Variants in ITPRID1 observed in about 807,000 individuals in gnomAD.
ITPRID1 encodes the protein ITPR interacting domain containing 1, also known as protein ITPRID1.
Under a neutral mutation model 95.4 loss-of-function variants are expected in ITPRID1, and 96 were observed. That is an observed-to-expected ratio of 1.01 (90% confidence interval 0.85 to 1.19). The LOEUF is 1.19. ITPRID1 is among the 50% of genes most tolerant of loss of function. The pLI is 0.00. For synonymous variants in ITPRID1, 510 were observed against 453.6 expected (o/e 1.12, Z -1.58); for missense variants, 1,339 against 1,252.9 (o/e 1.07, Z -1.04).
chr7:31,601,493 G>C (rs930172460), intron 10 of ITPRID1, among the ~76,000 whole-genome samples: 5 of 152,168 alleles, frequency 3.3e-5, no homozygotes, highest in African/African-American at 1.2e-4. Context: ...CCCTGGTCAA[G>C]TGCTCTGACT....
chr7:31,611,446 ATCTGAG>A (rs1786864559), intron 10 of ITPRID1, among the ~76,000 whole-genome samples: 1 of 151,756 alleles, frequency 6.6e-6, no homozygotes, highest in African/African-American at 2.4e-5. Context: ...CTTCATTTGA[ATCTGAG>A]TTGTTGTCTA....
At chr7:31,560,446 GGGA>G (rs1187610436) in intron 5 of ITPRID1, among the ~76,000 whole-genome samples, 1 of 152,140 alleles carries the variant, frequency 6.6e-6, no homozygotes, top group Non-Finnish European at 1.5e-5. Flanking sequence ...AGTTGGCTTT[GGGA>G]GGAGGAGGTT....
chr7:31,564,320 T>A (rs1784722580), intron 5 of ITPRID1, among the ~76,000 whole-genome samples: 1 of 152,092 alleles, frequency 6.6e-6, no homozygotes, highest in Non-Finnish European at 1.5e-5. Flanking sequence ...TGGAAGGAGA[T>A]GTATCAAATA....
At chr7:31,566,706 C>T (rs112079304) in intron 5 of ITPRID1, among the ~76,000 whole-genome samples, 69 of 152,272 alleles carry the variant, frequency 4.5e-4, no homozygotes, top group African/African-American at 1.4e-3. Flanking sequence ...AAAAATTACA[C>T]GGTGCTTGCA....
intron 5 of ITPRID1, among the ~76,000 whole-genome samples, chr7:31,556,220 T>C (rs1161556254): frequency 6.6e-6 from 1 of 151,926 alleles, no homozygotes; most frequent in African/African-American, 2.4e-5. Flanking sequence ...TGGAGGAAAA[T>C]TGGGATAGTG....
At chr7:31,521,795 C>G (rs909903650) in intron 1 of ITPRID1, among the ~76,000 whole-genome samples, 1 of 150,610 alleles carries the variant, frequency 6.6e-6, no homozygotes, top group Non-Finnish European at 1.5e-5. Flanking sequence ...GATCACAGCT[C>G]TCACTGCAGC....
chr7:31,543,539 C>T (rs750968649), intron 1 of ITPRID1, among the ~76,000 whole-genome samples: 21 of 151,776 alleles, frequency 1.4e-4, no homozygotes, highest in Non-Finnish European at 2.5e-4. Flanking sequence ...ATAAATTGAG[C>T]GTCTTCATAT....
chr7:31,546,760 T>C (rs936328894), intron 1 of ITPRID1, among the ~76,000 whole-genome samples: 1 of 152,074 alleles, frequency 6.6e-6, no homozygotes, highest in Non-Finnish European at 1.5e-5. Flanking sequence ...TAAACATAAG[T>C]GGAACACAGT....
intron 10 of ITPRID1, among the ~76,000 whole-genome samples, chr7:31,626,649 C>T (rs775520732): frequency 3.9e-4 from 60 of 152,256 alleles, no homozygotes; most frequent in Non-Finnish European, 1.6e-4. Flanking sequence ...TGACACCATG[C>T]TGTAAAGGAG....
chr7:31,639,071 C>T (rs1166944015), intron 10 of ITPRID1, among the ~76,000 whole-genome samples: 1 of 152,254 alleles, frequency 6.6e-6, no homozygotes, highest in African/African-American at 2.4e-5. Flanking sequence ...GCCACTGCGC[C>T]CAGCCAGTAA....
Position 31,655,971 on chromosome 7 carries a change from C to T in ITPRID1, c.*3142C>T. 1.0e-6 allele frequency: 1 copy of T among 985,438 alleles called. No individual in the cohort carries two copies. Among genetic ancestry groups the T allele is most frequent in the Non-Finnish European group, 1.2e-6 (1 of 829,924 alleles). The allele number at this position is 985,438 out of a possible 1,614,324, so 61.0% of individuals were successfully genotyped here. ...CCTCAGATGAATCTCCAATTCTATT[C>T]CCCTAAACCACCTCCTGTGTTCCTG... On this transcript the variant is annotated 3_prime_UTR_variant, in exon 15 of 15. Coordinates refer to ENST00000615280, the MANE Select transcript of ITPRID1 (RefSeq NM_001257967.3).
intron 10 of ITPRID1, among the ~76,000 whole-genome samples, chr7:31,616,055 A>C (rs1337487002): frequency 6.6e-6 from 1 of 152,068 alleles, no homozygotes; most frequent in Non-Finnish European, 1.5e-5. Flanking sequence ...GTTTACTGAG[A>C]ATTCTAATTC....
intron 12 of ITPRID1, among the ~76,000 whole-genome samples, chr7:31,646,979 A>T (rs4723091): frequency 0.76 from 115,137 of 152,242 alleles, 43,683 homozygotes; most frequent in East Asian, 0.83. Context: ...TCCCTTTATT[A>T]ACATCCAAAG....
At chr7:31,553,284 G>T (rs967320487) in intron 3 of ITPRID1, 97 bp downstream of exon 3, 1 of 1,205,726 alleles carries the variant, frequency 8.3e-7, no homozygotes. Flanking sequence ...TGGAACAAAA[G>T]TATTTGGCTT....
intron 10 of ITPRID1, among the ~76,000 whole-genome samples, chr7:31,638,840 A>C (rs1789733239): frequency 1.3e-5 from 2 of 152,036 alleles, no homozygotes; most frequent in Non-Finnish European, 2.9e-5. Context: ...GGAGTGACCC[A>C]ATCTCAGCTT....
chr7:31,524,908 T>C (rs759794869), intron 1 of ITPRID1, among the ~76,000 whole-genome samples: 1 of 148,192 alleles, frequency 6.7e-6, no homozygotes, highest in African/African-American at 2.5e-5. Flanking sequence ...TTCAGCTCAA[T>C]ATGAAATCTT....
At chr7:31,518,837 G>A (rs1783128758) in intron 1 of ITPRID1, among the ~76,000 whole-genome samples, 1 of 152,122 alleles carries the variant, frequency 6.6e-6, no homozygotes, top group South Asian at 2.1e-4. Flanking sequence ...AAAACCTACA[G>A]AAAAAGTCTT....
Position 31,523,447 on chromosome 7 carries a change from T to C in ITPRID1, c.-98+9327T>C, listed in dbSNP as rs191548400. Among the ~76,000 whole-genome samples, 395 of 152,324 alleles carry C rather than the reference T, an allele frequency of 2.6e-3. 1 individual carries two copies. The highest frequency in any genetic ancestry group is 8.8e-3 in the African/African-American group (367 of 41,578). On this transcript the variant is annotated intron_variant, in intron 1 of 14. Coordinates refer to ENST00000615280, the MANE Select transcript of ITPRID1 (RefSeq NM_001257967.3). ...TAACTCCCAACTAAACTGAGGGTGA[T>C]TGGGTACTCAGAGATATCCAATAGT...
At chr7:31,651,899 G>T in intron 13 of ITPRID1, 40 bp from the exon 14 acceptor site, 1 of 1,422,512 alleles carries the variant, frequency 7.0e-7, no homozygotes, top group Non-Finnish European at 9.7e-7. Flanking sequence ...CACCTGGGAA[G>T]GATTGTTAAA....
Sources: gnomAD v4.1 joint callset for allele counts (sites outside exome capture counted in the v4.1 genomes callset) on GRCh38, gnomAD v4.1.1 for gene constraint, MANE v1.5 for transcripts, NCBI Gene and HGNC (gene_info 2026-07-23, HGNC 2026-07-21) for gene names.